The following MTA3 variants were observed in gnomAD, a reference collection of about 807,000 sequenced individuals.
The protein encoded by MTA3 is metastasis-associated protein MTA3.
In MTA3, 34 loss-of-function variants were observed where a neutral mutation model predicts 83.5. That is an observed-to-expected ratio of 0.41 (90% CI 0.31 to 0.54). MTA3 has a LOEUF of 0.54. Ranked by LOEUF, MTA3 falls within the 20% of genes least tolerant of loss-of-function variation. The pLI is 0.33. For synonymous variants in MTA3, 303 were observed against 252.7 expected (o/e 1.20, Z -1.89); for missense variants, 761 against 726.4 (o/e 1.05, Z -0.55).
At chr2:42,731,140 CA>C (rs1278898917) in intron 16 of MTA3, among the ~76,000 whole-genome samples, 1 of 152,020 alleles carries the variant, frequency 6.6e-6, no homozygotes, top group African/African-American at 2.4e-5. Flanking sequence ...TTTATAATTT[CA>C]AAAAATCACC....
At chr2:42,667,588 G>GTGTT (rs1558562289) in intron 8 of MTA3, among the ~76,000 whole-genome samples, 5 of 130,142 alleles carry the variant, frequency 3.8e-5, no homozygotes, top group Admixed American at 1.7e-4. Flanking sequence ...GTGTGTGTGT[G>GTGTT]TGTGTGTGTG....
rs374435533 is a variant in MTA3, at chr2:42,579,208, G to C, written c.190+8G>C. ...TCGCAGATAAGCATGCTAGTAAGTTGTTTTTCTCTGATTAAAAAAACGTTT... is the reference window on the plus strand; with the variant it reads ...TCGCAGATAAGCATGCTAGTAAGTTCTTTTTCTCTGATTAAAAAAACGTTT... On this transcript the variant is annotated splice_region_variant and intron_variant, in intron 3 of 16. Transcript: ENST00000405094. The C allele has an allele frequency of 1.2e-5, 19 of 1,564,982 alleles. No individual in the cohort carries two copies. The African/African-American group carries it at 2.6e-4, about 21-fold the overall frequency.
chr2:42,602,742 G>C (rs1308980084), intron 3 of MTA3, among the ~76,000 whole-genome samples: 1 of 152,116 alleles, frequency 6.6e-6, no homozygotes, highest in East Asian at 1.9e-4. Context: ...GAGTTAGCAG[G>C]ATGTGAAGGG....
chr2:42,603,618 G>A (rs973223778), intron 3 of MTA3, among the ~76,000 whole-genome samples: 34 of 152,176 alleles, frequency 2.2e-4, no homozygotes, highest in African/African-American at 7.2e-4. Flanking sequence ...CTTAAAGTCA[G>A]TAAAGTAAAA....
At position 42,682,503 on chromosome 2, in the gene MTA3, G is replaced by T; in HGVS notation, c.805G>T (p.Glu269Ter). ...ACCTGTTTTATGCAGAGATGAAATG[G>T]AGGAATGGTCAGCCTCTGAAGCTAG... The part of the protein sequence containing the change: ...GGPVLCRDEM[E>*]EWSASEASLF... Residue 269 changes from glutamate to a stop codon, truncating the protein, a stop_gained, in exon 9 of 17, where the codon GAG becomes TAG. Coordinates refer to ENST00000405094, the MANE Select transcript of MTA3 (RefSeq NM_001330442.2). LOFTEE classifies it high-confidence loss of function. The T allele has an allele frequency of 6.2e-7, 1 of 1,612,620 alleles. No individual in the cohort carries two copies. The highest frequency in any genetic ancestry group is 8.5e-7 in the Non-Finnish European group (1 of 1,179,326).
intron 3 of MTA3, among the ~76,000 whole-genome samples, chr2:42,606,948 A>C (rs1183756890): frequency 6.7e-6 from 1 of 150,242 alleles, no homozygotes; most frequent in Non-Finnish European, 1.5e-5. Context: ...GCGTGCCTGC[A>C]ATCGCAGGCA....
intron 2 of MTA3, among the ~76,000 whole-genome samples, chr2:42,527,903 C>A (rs1675791613): frequency 6.6e-6 from 1 of 151,088 alleles, no homozygotes; most frequent in East Asian, 1.9e-4. Context: ...CATGAGATCT[C>A]TCCTTGGTCT....
intron 4 of MTA3, among the ~76,000 whole-genome samples, chr2:42,630,112 T>C (rs1481511237): frequency 6.6e-6 from 1 of 152,346 alleles, no homozygotes; most frequent in African/African-American, 2.4e-5. Context: ...AAAAGCCTTA[T>C]GATTCTAATG....
intron 4 of MTA3, among the ~76,000 whole-genome samples, chr2:42,616,543 A>G (rs1684910409): frequency 1.4e-5 from 2 of 144,360 alleles, no homozygotes; most frequent in Admixed American, 1.4e-4. Flanking sequence ...AGCCATTCAC[A>G]GAAATTTGAT....
At chr2:42,709,351 G>C in intron 14 of MTA3, 1 of 1,265,090 alleles carries the variant, frequency 7.9e-7, no homozygotes, top group Non-Finnish European at 1.0e-6. Context: ...AGATTGGTGG[G>C]AGGTGATCCT....
chr2:42,521,490 A>G (rs905905821), intron 2 of MTA3, among the ~76,000 whole-genome samples: 38 of 152,326 alleles, frequency 2.5e-4, no homozygotes, highest in African/African-American at 8.2e-4. Context: ...AATTTATCAC[A>G]TAACAATAGA....
intron 1 of MTA3, 97 bp downstream of exon 1, chr2:42,568,870 C>G: frequency 8.6e-7 from 1 of 1,156,878 alleles, no homozygotes; most frequent in Non-Finnish European, 1.1e-6. Context: ...CCAAGGGCGC[C>G]GGGGCTGAGG....
chr2:42,746,275 C>T (rs187331542), intron 16 of MTA3, among the ~76,000 whole-genome samples: 5 of 152,252 alleles, frequency 3.3e-5, no homozygotes, highest in Non-Finnish European at 7.4e-5. Flanking sequence ...CTTACAGCAT[C>T]TGTAAAGCCA....
intron 2 of MTA3, among the ~76,000 whole-genome samples, chr2:42,535,588 A>G (rs1676190532): frequency 6.6e-6 from 1 of 152,178 alleles, no homozygotes; most frequent in Non-Finnish European, 1.5e-5. Context: ...CTTGCATTTC[A>G]TTGGCTAGAA....
intron 9 of MTA3, among the ~76,000 whole-genome samples, chr2:42,691,886 A>G (rs1692933591): frequency 6.6e-6 from 1 of 152,060 alleles, no homozygotes; most frequent in African/African-American, 2.4e-5. Flanking sequence ...CTGCTGCCAA[A>G]CGTATTGGAA....
chr2:42,530,610 C>G (rs1278963883), intron 2 of MTA3, among the ~76,000 whole-genome samples: 3 of 151,710 alleles, frequency 2.0e-5, no homozygotes, highest in African/African-American at 7.3e-5. Context: ...ATGGAGAAAC[C>G]CCCTCTCTAC....
At chr2:42,670,744 CTATATATA>C (rs34128430) in intron 8 of MTA3, among the ~76,000 whole-genome samples, 2 of 145,984 alleles carry the variant, frequency 1.4e-5, no homozygotes, top group Admixed American at 6.9e-5. Context: ...AACTCTAACA[CTATATATA>C]TATATATATA....
intron 5 of MTA3, among the ~76,000 whole-genome samples, chr2:42,642,585 C>CA (rs1441513258): frequency 1.3e-5 from 2 of 150,038 alleles, no homozygotes; most frequent in South Asian, 2.1e-4. Flanking sequence ...TAAAGCAAAA[C>CA]AAAAAAATCA....
At position 42,755,570 on chromosome 2, in the gene MTA3, T is replaced by C; in HGVS notation, c.*2171T>C. ...GTCATCCTAGGAGGGTGATGTTGAC[T>C]GAGACTTCACGCTCTCCCTTTGTCT... On this transcript the variant is annotated 3_prime_UTR_variant, in exon 17 of 17. Coordinates refer to ENST00000405094, the MANE Select transcript of MTA3 (RefSeq NM_001330442.2). 1.0e-6 allele frequency: 1 copy of C among 985,540 alleles called. No homozygotes were observed. Among genetic ancestry groups the C allele is most frequent in the East Asian group, 1.1e-4 (1 of 8,818 alleles). 61.0% of individuals were successfully genotyped at this position (985,540 alleles called of 1,614,324 possible).
Sources: allele counts gnomAD v4.1 joint callset (sites outside exome capture counted in the v4.1 genomes callset), GRCh38; gene constraint gnomAD v4.1.1; transcripts MANE v1.5; gene names NCBI Gene and HGNC (gene_info 2026-07-23, HGNC 2026-07-21).